HIPK3: variants seen among roughly 807,000 people sequenced by gnomAD.
HIPK3 encodes homeodomain-interacting protein kinase 3.
HIPK3 carries 47 observed loss-of-function variants against 124.2 expected under a neutral mutation model. The ratio of observed to expected loss-of-function variants is 0.38; its 90% CI spans 0.30 to 0.48. HIPK3 has a LOEUF of 0.48. Among genes scored for constraint, HIPK3 ranks in the 20% least tolerant of loss-of-function variants. The pLI is 0.98. For missense variants in HIPK3, 1,286 were observed against 1,454.3 expected, an observed-to-expected ratio of 0.88 and a Z score of 1.88; for synonymous variants, 482 against 515.2, an observed-to-expected ratio of 0.94 and a Z score of 0.87.
intron 5 of HIPK3, 140 bp downstream of exon 5, chr11:33,338,983 C>T: frequency 1.9e-6 from 1 of 535,704 alleles, no homozygotes; most frequent in Middle Eastern, 2.8e-4. Flanking sequence ...GAAACTGATT[C>T]TATTTTCAAC....
intron 3 of HIPK3, among the ~76,000 whole-genome samples, chr11:33,330,036 A>G (rs266490): frequency 0.014 from 2,145 of 152,306 alleles, 57 homozygotes; most frequent in African/African-American, 0.049. Flanking sequence ...ATTACCCAGT[A>G]ACTGCCCCCT....
At chr11:33,322,703 G>A (rs1033329021) in intron 2 of HIPK3, among the ~76,000 whole-genome samples, 1 of 152,182 alleles carries the variant, frequency 6.6e-6, no homozygotes, top group Admixed American at 6.5e-5. Flanking sequence ...GCACATGCCT[G>A]TAGTCCCAGC....
chr11:33,330,730 T>A (rs928571753), intron 3 of HIPK3, among the ~76,000 whole-genome samples: 4 of 152,198 alleles, frequency 2.6e-5, no homozygotes, highest in African/African-American at 9.6e-5. Flanking sequence ...TCTGGGACTT[T>A]AAGCTCATTT....
At chr11:33,310,965 T>C (rs1852318797) in intron 2 of HIPK3, among the ~76,000 whole-genome samples, 1 of 152,222 alleles carries the variant, frequency 6.6e-6, no homozygotes, top group Non-Finnish European at 1.5e-5. Context: ...TCTTCCTTGG[T>C]AGGTTCTGAA....
chr11:33,257,424 T>A lies in HIPK3; in HGVS notation c.-468T>A. 6.1e-6 allele frequency: 6 copies of A among 984,878 alleles called. No individual in the cohort carries two copies. Among genetic ancestry groups the A allele is most frequent in the Non-Finnish European group, 7.2e-6 (6 of 829,764 alleles). The allele number at this position is 984,878 out of a possible 1,614,324, so 61.0% of individuals were successfully genotyped here. A position where few individuals can be genotyped will look rare whatever the true frequency, so the allele number is the denominator to read the frequency against. ...GACGACTGCCGGCATCGCGGCGACCTGAGGAGATCAAGCCGCAGGCCCCGC... is the reference window on the plus strand; with the variant it reads ...GACGACTGCCGGCATCGCGGCGACCAGAGGAGATCAAGCCGCAGGCCCCGC... On this transcript the variant is annotated 5_prime_UTR_variant, in exon 1 of 17. Coordinates refer to ENST00000303296, the MANE Select transcript of HIPK3 (RefSeq NM_005734.5).
Position 33,356,448 on chromosome 11 carries a change from A to G in HIPK3, c.*2880A>G, listed in dbSNP as rs1853818691. On this transcript the variant is annotated 3_prime_UTR_variant, in exon 17 of 17. Coordinates refer to ENST00000303296, the MANE Select transcript of HIPK3 (RefSeq NM_005734.5). The stretch of plus-strand genomic sequence containing the variant: ...ACACTGCATGATTTCCAAGTTGCAT[A>G]TTTGCATACTATTTTAATTTGCAAA... 6.6e-6 allele frequency: 1 copy of G among 151,776 alleles called. No homozygotes were observed. Among genetic ancestry groups the G allele is most frequent in the Non-Finnish European group, 1.5e-5 (1 of 67,866 alleles). The allele number at this position is 151,776 out of a possible 1,614,324, so 9.4% of individuals were successfully genotyped here.
intron 3 of HIPK3, among the ~76,000 whole-genome samples, chr11:33,333,234 C>T (rs1213034904): frequency 6.6e-6 from 1 of 152,098 alleles, no homozygotes; most frequent in Non-Finnish European, 1.5e-5. Context: ...ATTGAAGGTG[C>T]TTTTCAAAGT....
chr11:33,350,652 C>T (rs1853630536), intron 14 of HIPK3, among the ~76,000 whole-genome samples: 1 of 151,746 alleles, frequency 6.6e-6, no homozygotes, highest in Non-Finnish European at 1.5e-5. Flanking sequence ...ATAGCCTGGG[C>T]AACAGAGTAA....
At chr11:33,257,186 C>A, upstream of HIPK3, 1 of 950,664 alleles carries the variant, frequency 1.1e-6, no homozygotes, top group Non-Finnish European at 1.3e-6. Flanking sequence ...GGCTGGCAGG[C>A]GGGCTCCGGG....
At chr11:33,275,916 G>A (rs1851258049) in intron 1 of HIPK3, among the ~76,000 whole-genome samples, 1 of 152,196 alleles carries the variant, frequency 6.6e-6, no homozygotes. Context: ...GACTTTGGGT[G>A]CTCTGGGCTA....
intron 3 of HIPK3, among the ~76,000 whole-genome samples, chr11:33,329,161 C>A (rs1435796023): frequency 6.6e-6 from 1 of 152,106 alleles, no homozygotes; most frequent in African/African-American, 2.4e-5. Context: ...ATTAAGCACA[C>A]TTTTCATGGT....
rs1285772912 is a variant in HIPK3, at chr11:33,270,951, T to G, written c.-3+13062T>G. Among the ~76,000 whole-genome samples the G allele has an allele frequency of 2.0e-5, 3 of 152,216 alleles. No individual in the cohort carries two copies. In the South Asian group the frequency reaches 6.2e-4, roughly 31 times the overall value. Reference sequence around the variant, plus strand: ...GAATATTTTGTAATTTTATAGTAATTGAATAACTTCAAAATGATTGCTATA... The same window carrying G: ...GAATATTTTGTAATTTTATAGTAATGGAATAACTTCAAAATGATTGCTATA... On this transcript the variant is annotated intron_variant, in intron 1 of 16. Coordinates refer to ENST00000303296, the MANE Select transcript of HIPK3 (RefSeq NM_005734.5).
At chr11:33,343,171 A>G (rs1471528760) in intron 8 of HIPK3, among the ~76,000 whole-genome samples, 1 of 151,906 alleles carries the variant, frequency 6.6e-6, no homozygotes, top group Non-Finnish European at 1.5e-5. Flanking sequence ...CCTTAGTAGA[A>G]GGAAATAGCC....
intron 2 of HIPK3, among the ~76,000 whole-genome samples, chr11:33,306,997 G>A (rs1246718574): frequency 1.3e-5 from 2 of 149,922 alleles, no homozygotes; most frequent in African/African-American, 4.9e-5. Context: ...GGAGTCCAGC[G>A]GTGCGAACTC....
intron 2 of HIPK3, among the ~76,000 whole-genome samples, chr11:33,298,711 A>G (rs577420163): frequency 1.3e-5 from 2 of 152,346 alleles, no homozygotes; most frequent in African/African-American, 4.8e-5. Flanking sequence ...TTGAGGAGGT[A>G]ACTGCAGATA....
intron 1 of HIPK3, among the ~76,000 whole-genome samples, chr11:33,280,852 G>GT (rs34479315): frequency 6.6e-6 from 1 of 152,096 alleles, no homozygotes; most frequent in African/African-American, 2.4e-5. Context: ...ACTTCATCCT[G>GT]TTTTTTCAGA....
rs951483569 is a variant in HIPK3 at position 33,355,158 on chromosome 11, C to T, written c.*1590C>T. The T allele has an allele frequency of 2.0e-5, 3 of 152,030 alleles. No homozygotes were observed. The highest frequency in any genetic ancestry group is 7.2e-5 in the African/African-American group (3 of 41,432). 9.4% of individuals were successfully genotyped at this position (152,030 alleles called of 1,614,324 possible). ...GATTAACTAGTTGTTATTTAGCCTT[C>T]TAATTTCTGTATAAGTCTAATTACA... On this transcript the variant is annotated 3_prime_UTR_variant, in exon 17 of 17. Transcript: ENST00000303296.
intron 2 of HIPK3, among the ~76,000 whole-genome samples, chr11:33,293,173 T>A (rs1009894100): frequency 1.3e-5 from 2 of 152,156 alleles, no homozygotes; most frequent in African/African-American, 4.8e-5. Flanking sequence ...AGCTCTTAAG[T>A]TTTTTTGTTT....
At chr11:33,347,511 G>A (rs1353640318) in intron 9 of HIPK3, 97 bp downstream of exon 9, 1 of 1,574,034 alleles carries the variant, frequency 6.4e-7, no homozygotes, top group East Asian at 2.2e-5. Context: ...TGTAGGTTAT[G>A]GACTTTAATG....
Sources: allele counts gnomAD v4.1 joint callset (sites outside exome capture counted in the v4.1 genomes callset), GRCh38; gene constraint gnomAD v4.1.1; transcripts MANE v1.5; gene names NCBI Gene and HGNC (gene_info 2026-07-23, HGNC 2026-07-21).